CHODL: variants seen among roughly 807,000 people sequenced by gnomAD.
The protein encoded by CHODL is chondrolectin.
Under a neutral mutation model 34.5 loss-of-function variants are expected in CHODL, and 29 were observed. The ratio of observed to expected loss-of-function variants is 0.84; its 90% confidence interval spans 0.63 to 1.15. The LOEUF (loss-of-function observed/expected upper bound fraction) is 1.15, where lower values mean the gene tolerates loss of function less well. Ranked by LOEUF, CHODL falls within the 50% of genes most tolerant of loss-of-function variation. CHODL has a pLI of 0.00. For missense variants in CHODL, 332 were observed against 332.5 expected (o/e 1.00, Z 0.01); for synonymous variants, 125 against 116.1 (o/e 1.08, Z -0.49).
intron 2 of CHODL, among the ~76,000 whole-genome samples, chr21:18,227,460 T>C (rs1006152379): frequency 1.3e-5 from 2 of 152,184 alleles, no homozygotes; most frequent in Non-Finnish European, 2.9e-5. Context: ...ATATATGTTG[T>C]GTGTAGTGGG....
intron 1 of CHODL, among the ~76,000 whole-genome samples, chr21:17,946,443 G>C (rs187830820): frequency 6.6e-6 from 1 of 152,130 alleles, no homozygotes; most frequent in East Asian, 1.9e-4. Flanking sequence ...AAAGCTGAGA[G>C]GGTTCATTGC....
chr21:18,047,265 G>A (rs2064455560), intron 2 of CHODL, among the ~76,000 whole-genome samples: 1 of 151,822 alleles, frequency 6.6e-6, no homozygotes, highest in East Asian at 1.9e-4. Context: ...TAGATTAACT[G>A]CACTGCTTTG....
intron 1 of CHODL, among the ~76,000 whole-genome samples, chr21:17,926,990 ACACG>A (rs1411943439): frequency 6.6e-6 from 1 of 151,042 alleles, no homozygotes. Flanking sequence ...ACACACACAC[ACACG>A]CACACACACA....
chr21:18,185,012 G>GTTTTAT (rs2073424273), intron 2 of CHODL, among the ~76,000 whole-genome samples: 1 of 151,758 alleles, frequency 6.6e-6, no homozygotes, highest in African/African-American at 2.4e-5. Context: ...CTCTTTTTTT[G>GTTTTAT]TTTTATTTTT....
At chr21:18,198,804 G>T (rs1382411149) in intron 2 of CHODL, among the ~76,000 whole-genome samples, 3 of 152,082 alleles carry the variant, frequency 2.0e-5, no homozygotes, top group Non-Finnish European at 4.4e-5. Flanking sequence ...ACATTCTGTG[G>T]CTCTGGACAG....
At chr21:18,098,418 C>G (rs981268573) in intron 2 of CHODL, among the ~76,000 whole-genome samples, 5 of 151,424 alleles carry the variant, frequency 3.3e-5, no homozygotes, top group Non-Finnish European at 5.9e-5. Context: ...AGAAATTTTT[C>G]AAAAAAAGAC....
chr21:17,990,996 T>C (rs1440733593), intron 1 of CHODL, among the ~76,000 whole-genome samples: 1 of 152,128 alleles, frequency 6.6e-6, no homozygotes, highest in Non-Finnish European at 1.5e-5. Flanking sequence ...GTAACCATTG[T>C]CTAACTCTCT....
chr21:18,156,927 A>G (rs2073041737), intron 2 of CHODL, among the ~76,000 whole-genome samples: 1 of 152,194 alleles, frequency 6.6e-6, no homozygotes, highest in Non-Finnish European at 1.5e-5. Context: ...CAAGACCCAG[A>G]GTCTAGGAGT....
chr21:18,206,486 A>G (rs966721183), intron 2 of CHODL, among the ~76,000 whole-genome samples: 4 of 151,760 alleles, frequency 2.6e-5, no homozygotes, highest in Non-Finnish European at 4.4e-5. Flanking sequence ...ACTTGTGTGA[A>G]ATACCTTTTT....
intron 2 of CHODL, among the ~76,000 whole-genome samples, chr21:18,149,703 T>C (rs1288790070): frequency 6.6e-6 from 1 of 152,254 alleles, no homozygotes; most frequent in Non-Finnish European, 1.5e-5. Context: ...TTGTAAAAGT[T>C]AATTTGACTA....
intron 1 of CHODL, among the ~76,000 whole-genome samples, chr21:17,923,674 G>T (rs989497701): frequency 6.6e-6 from 1 of 151,972 alleles, no homozygotes; most frequent in South Asian, 2.1e-4. Context: ...TGTTGGTCAG[G>T]CTGGTCTCAA....
At chr21:17,990,867 A>T (rs2063791631) in intron 1 of CHODL, among the ~76,000 whole-genome samples, 3 of 152,106 alleles carry the variant, frequency 2.0e-5, no homozygotes, top group Admixed American at 6.5e-5. Context: ...ACAAATTATT[A>T]TTAATTAAAG....
rs138935302 is a variant in CHODL at position 18,160,531 on chromosome 21, A to G, written c.-44-95978A>G. On this transcript the variant is annotated intron_variant, in intron 2 of 6. Transcript: ENST00000400127. The stretch of plus-strand genomic sequence containing the variant: ...AAAAGGCCCCAGGGTACAACCCTCT[A>G]TGTGTCCAAGTGTTCTCAACATTTA... Among the ~76,000 whole-genome samples the G allele has an allele frequency of 2.1e-4, 32 of 151,846 alleles. No individual in the cohort carries two copies. The East Asian group carries it at 4.1e-3, about 19-fold the overall frequency.
chr21:17,962,490 A>G (rs1451280854), intron 1 of CHODL, among the ~76,000 whole-genome samples: 2 of 152,120 alleles, frequency 1.3e-5, no homozygotes, highest in Non-Finnish European at 2.9e-5. Context: ...TCTGATACAG[A>G]TGGACAAGCT....
At chr21:18,134,285 T>A in intron 2 of CHODL, 1 of 513,020 alleles carries the variant, frequency 1.9e-6, no homozygotes, top group Non-Finnish European at 3.9e-6. Flanking sequence ...GATGATCTCT[T>A]TTGCCACTGT....
At chr21:18,050,865 A>C (rs937207431) in intron 2 of CHODL, among the ~76,000 whole-genome samples, 3 of 151,622 alleles carry the variant, frequency 2.0e-5, no homozygotes, top group Admixed American at 1.3e-4. Flanking sequence ...AAATATATTC[A>C]TTTACTAATG....
Position 18,193,715 on chromosome 21 carries a change from AT to A in CHODL, c.-44-62793del, listed in dbSNP as rs1568931439. ...TGTCTCAGAAAAAAAAAAAAATAAA[AT>A]AAATAAATAAATAAATAAATAAATA... On this transcript the variant is annotated intron_variant, in intron 2 of 6. Transcript: ENST00000400127. 6.4e-4 allele frequency among the ~76,000 whole-genome samples: 91 copies of A among 142,110 alleles called. 2 individuals are homozygous for A. The highest frequency in any genetic ancestry group is 4.0e-3 in the Admixed American group (55 of 13,772). 93.2% of individuals were successfully genotyped at this position (142,110 alleles called of 152,430 possible).
chr21:18,135,234 T>C (rs1056349885), intron 2 of CHODL, among the ~76,000 whole-genome samples: 25 of 152,236 alleles, frequency 1.6e-4, no homozygotes, highest in African/African-American at 6.0e-4. Context: ...TTAATCAGTT[T>C]ACAGGTTGCC....
At chr21:17,927,968 C>T (rs1421751789) in intron 1 of CHODL, among the ~76,000 whole-genome samples, 1 of 152,084 alleles carries the variant, frequency 6.6e-6, no homozygotes, top group Non-Finnish European at 1.5e-5. Context: ...TATATTGTTA[C>T]TGGAAAGGGT....
Sources: allele counts gnomAD v4.1 joint callset (sites outside exome capture counted in the v4.1 genomes callset), GRCh38; gene constraint gnomAD v4.1.1; transcripts MANE v1.5; gene names NCBI Gene and HGNC (gene_info 2026-07-23, HGNC 2026-07-21).